Variants in CPLANE1 observed in about 807,000 individuals in gnomAD.
CPLANE1 encodes ciliogenesis and planar polarity effector 1.
A neutral mutation model predicts 362.5 loss-of-function variants in CPLANE1; 263 were observed. That is an observed-to-expected ratio of 0.73 (90% CI 0.66 to 0.80). The LOEUF (loss-of-function observed/expected upper bound fraction) is 0.80. Ranked by LOEUF, CPLANE1 falls within the 30% of genes least tolerant of loss-of-function variation. CPLANE1 has a pLI of 0.00. For synonymous variants in CPLANE1, 1,212 were observed against 1,302.6 expected (o/e 0.93, Z 1.50); for missense variants, 3,461 against 3,793.4 (o/e 0.91, Z 2.30).
chr5:37,223,050 A>T (rs1250515240), intron 14 of CPLANE1, among the ~76,000 whole-genome samples: 2 of 151,940 alleles, frequency 1.3e-5, no homozygotes, highest in African/African-American at 4.8e-5. Flanking sequence ...TCCATTAAAG[A>T]CCCTCCTTCA....
At chr5:37,216,900 G>GT (rs1441451945) in intron 15 of CPLANE1, among the ~76,000 whole-genome samples, 4 of 152,122 alleles carry the variant, frequency 2.6e-5, no homozygotes, top group African/African-American at 9.7e-5. Context: ...CTTGTTCACT[G>GT]TATGTCCCAG....
chr5:37,076,500 CAG>C, the CPLANE1 span, among the ~76,000 whole-genome samples: 2 of 151,704 alleles, frequency 1.3e-5, no homozygotes, highest in African/African-American at 4.8e-5. Context: ...TTGGTAGAGA[CAG>C]GGTTTCACCA....
In CPLANE1 at chr5:37,203,609, GCT is replaced by G. The variant is rs202049236; in HGVS notation, c.3289+1704_3289+1705del. On this transcript the variant is annotated intron_variant, in intron 18 of 52. Transcript: ENST00000651892. ...GCTCACTGCAGACTTGACCTCCTAGGCTCAAGGGATTCTCCCACTTTAGTTAG... is the reference window on the plus strand; with the variant it reads ...GCTCACTGCAGACTTGACCTCCTAGGCAAGGGATTCTCCCACTTTAGTTAG... Among the ~76,000 whole-genome samples the G allele has an allele frequency of 1.2e-3, 180 of 152,216 alleles. 4 individuals carry two copies. In the East Asian group the frequency reaches 0.032, roughly 27 times the overall value.
At chr5:37,132,337 GTTTTTTTT>G (rs70976278) in intron 46 of CPLANE1, among the ~76,000 whole-genome samples, 1 of 77,776 alleles carries the variant, frequency 1.3e-5, no homozygotes, top group African/African-American at 4.9e-5. Flanking sequence ...GATTGTTCAA[GTTTTTTTT>G]TTTTTTTTTT....
chr5:37,094,423 T>C, the CPLANE1 span, among the ~76,000 whole-genome samples: 3 of 152,318 alleles, frequency 2.0e-5, no homozygotes, highest in Admixed American at 2.0e-4. Context: ...ACCTCTGGGA[T>C]ACAGCAAAGG....
chr5:37,157,283 A>C, intron 41 of CPLANE1, 30 bp downstream of exon 41: 1 of 1,242,204 alleles, frequency 8.1e-7, no homozygotes, highest in African/African-American at 1.5e-5. Flanking sequence ...AATTCAGGAG[A>C]GGGTCATGCT....
the CPLANE1 span, among the ~76,000 whole-genome samples, chr5:37,083,730 G>C: frequency 6.6e-6 from 1 of 152,046 alleles, no homozygotes; most frequent in Non-Finnish European, 1.5e-5. Context: ...CAAAGACAAA[G>C]AAAAAATAAG....
intron 21 of CPLANE1, among the ~76,000 whole-genome samples, chr5:37,191,004 C>T (rs1785394594): frequency 6.6e-6 from 1 of 151,972 alleles, no homozygotes; most frequent in Non-Finnish European, 1.5e-5. Flanking sequence ...GTAAAATAGC[C>T]TCAGGCAGGT....
At chr5:37,199,096 CAAAA>C (rs35945783) in intron 19 of CPLANE1, among the ~76,000 whole-genome samples, 3 of 47,166 alleles carry the variant, frequency 6.4e-5, no homozygotes, top group East Asian at 6.8e-4. Flanking sequence ...CACCCTGTCT[CAAAA>C]AAAAAAAAAA....
intron 8 of CPLANE1, among the ~76,000 whole-genome samples, chr5:37,234,886 T>G (rs1011305963): frequency 6.6e-6 from 1 of 152,222 alleles, no homozygotes; most frequent in African/African-American, 2.4e-5. Context: ...ATAGTCTTAA[T>G]AGACGTTGTT....
chr5:37,201,478 G>A (rs532001487), intron 19 of CPLANE1, 113 bp downstream of exon 19: 18 of 794,198 alleles, frequency 2.3e-5, no homozygotes, highest in Admixed American at 1.3e-4. Context: ...GGATCTATAC[G>A]TTTGTCTTTA....
chr5:37,076,744 CTTTT>C, the CPLANE1 span, among the ~76,000 whole-genome samples: 3 of 151,250 alleles, frequency 2.0e-5, no homozygotes, highest in African/African-American at 4.9e-5. Flanking sequence ...AAAACCATTT[CTTTT>C]ATTTCTTCTT....
At chr5:37,140,751 T>C (rs1769456016) in intron 44 of CPLANE1, 2 of 985,468 alleles carry the variant, frequency 2.0e-6, no homozygotes, top group South Asian at 4.7e-5. Flanking sequence ...AAGTAACAAG[T>C]TGCCCTTTCT....
the CPLANE1 span, among the ~76,000 whole-genome samples, chr5:37,079,895 T>C: frequency 1.3e-5 from 2 of 152,242 alleles, no homozygotes; most frequent in Non-Finnish European, 2.9e-5. Context: ...TGGAAAATGG[T>C]ATAAGCTATA....
chr5:37,121,454 A>G (rs547548409), intron 49 of CPLANE1, among the ~76,000 whole-genome samples, 163 bp downstream of exon 49: 1 of 152,366 alleles, frequency 6.6e-6, no homozygotes, highest in South Asian at 2.1e-4. Context: ...GATTCTATCA[A>G]TGTATAAAGA....
chr5:37,227,425 C>T, intron 10 of CPLANE1, 33 bp from the exon 11 acceptor site: 2 of 1,511,700 alleles, frequency 1.3e-6, no homozygotes, highest in Non-Finnish European at 1.8e-6. Flanking sequence ...TTTCCAAGAG[C>T]AAAATGTTAT....
chr5:37,191,900 A>G (rs1168090604), intron 21 of CPLANE1, among the ~76,000 whole-genome samples: 1 of 152,170 alleles, frequency 6.6e-6, no homozygotes, highest in East Asian at 1.9e-4. Context: ...TTAATTTATT[A>G]TGGAAGAAAA....
chr5:37,141,764 G>T (rs1769797660), intron 44 of CPLANE1: 2 of 979,982 alleles, frequency 2.0e-6, no homozygotes, highest in African/African-American at 1.7e-5. Context: ...TATTCATTAG[G>T]ACTAAAGAAT....
Position 37,212,440 on chromosome 5 carries a change from C to G in CPLANE1, c.2920+1119G>C, listed in dbSNP as rs1290176134. 4 of 731,686 alleles carry G rather than the reference C, an allele frequency of 5.5e-6. No homozygotes were observed. The Admixed American group carries it at 7.3e-5, about 13-fold the overall frequency. The allele number at this position is 731,686 out of a possible 1,614,324, so 45.3% of individuals were successfully genotyped here. On this transcript the variant is annotated intron_variant, in intron 16 of 52. Transcript: ENST00000651892. ...CATGAGAAATTACATAACATTTACT[C>G]CTTTGTAAATGTTTCTCTATCAACA...
Sources: gnomAD v4.1 joint callset for allele counts (sites outside exome capture counted in the v4.1 genomes callset) on GRCh38, gnomAD v4.1.1 for gene constraint, MANE v1.5 for transcripts, NCBI Gene and HGNC (gene_info 2026-07-23, HGNC 2026-07-21) for gene names.